Variants in NCKAP1 observed in about 807,000 individuals in gnomAD.
The protein encoded by NCKAP1 is nck-associated protein 1.
In NCKAP1, 21 loss-of-function variants were observed where a neutral mutation model predicts 151.2. The ratio of observed to expected loss-of-function variants is 0.14; its 90% CI spans 0.10 to 0.20. NCKAP1 has a LOEUF of 0.20. NCKAP1 is among the 10% of genes least tolerant of loss of function. The pLI, the probability that NCKAP1 is intolerant of heterozygous loss-of-function variation, is 1.00. For missense variants in NCKAP1, 933 were observed against 1,352.1 expected (o/e 0.69, Z 4.86); for synonymous variants, 484 against 451.8 (o/e 1.07, Z -0.90).
intron 2 of NCKAP1, chr2:183,022,732 G>A (rs1329977854): frequency 1.3e-5 from 2 of 152,152 alleles, no homozygotes; most frequent in Admixed American, 1.3e-4. Context: ...ATTTGTATTA[G>A]TTCTTACTAG....
At chr2:182,931,176 T>C (rs1023459943) in intron 26 of NCKAP1, among the ~76,000 whole-genome samples, 1 of 152,152 alleles carries the variant, frequency 6.6e-6, no homozygotes, top group Admixed American at 6.6e-5. Context: ...TGAAAAATTA[T>C]AGTGGTTCAA....
intron 6 of NCKAP1, among the ~76,000 whole-genome samples, chr2:182,997,574 C>A (rs558480634): frequency 1.3e-5 from 2 of 152,162 alleles, no homozygotes; most frequent in Non-Finnish European, 2.9e-5. Context: ...GTATTGACTT[C>A]TATTTTTACT....
chr2:182,941,247 T>C (rs1696988847), intron 24 of NCKAP1, among the ~76,000 whole-genome samples: 1 of 152,160 alleles, frequency 6.6e-6, no homozygotes, highest in Admixed American at 6.6e-5. Flanking sequence ...AAAATAACAT[T>C]AGATCAAGTA....
chr2:182,959,894 A>G (rs1016726988), intron 18 of NCKAP1, among the ~76,000 whole-genome samples: 5 of 152,228 alleles, frequency 3.3e-5, no homozygotes, highest in Non-Finnish European at 7.3e-5. Flanking sequence ...AAGTCTCAGG[A>G]TACAAAATCA....
Position 182,966,961 on chromosome 2 carries a change from A to C in NCKAP1, c.1628+255T>G, listed in dbSNP as rs114733267. Among the ~76,000 whole-genome samples, 2,440 of 152,204 alleles carry C rather than the reference A, an allele frequency of 0.016. 28 individuals carry two copies. The highest frequency in any genetic ancestry group is 0.023 in the Non-Finnish European group (1,556 of 68,008). Reference sequence around the variant, plus strand: ...AGGTAATTTGGAGTGACTGTTTTCAACTCCTCAAAAAAATGTAAGAAATAA... The same window carrying C: ...AGGTAATTTGGAGTGACTGTTTTCACCTCCTCAAAAAAATGTAAGAAATAA... On this transcript the variant is annotated intron_variant, in intron 16 of 30. Transcript: ENST00000361354.
Position 182,925,645 on chromosome 2 carries a change from C to A in NCKAP1, c.*57G>T. The A allele has an allele frequency of 1.0e-6, 1 of 963,702 alleles. No homozygotes were observed. Among genetic ancestry groups the A allele is most frequent in the Non-Finnish European group, 1.5e-6 (1 of 650,400 alleles). 59.7% of individuals were successfully genotyped at this position (963,702 alleles called of 1,614,324 possible). A position where few individuals can be genotyped will look rare whatever the true frequency, so the allele number is the denominator to read the frequency against. ...TCTTAAGGTAAAATAGTTCCACAGT[C>A]TACAGGTAAAACCAAGGCAACAAAA... On this transcript the variant is annotated 3_prime_UTR_variant, in exon 31 of 31. Coordinates refer to ENST00000361354, the MANE Select transcript of NCKAP1 (RefSeq NM_013436.5).
At chr2:182,927,070 A>G in intron 29 of NCKAP1, 165 bp from the exon 30 acceptor site, 1 of 510,958 alleles carries the variant, frequency 2.0e-6, no homozygotes, top group South Asian at 2.8e-5. Flanking sequence ...TTCAAGCAGT[A>G]ATTTAGAGAG....
Position 182,982,901 on chromosome 2 carries a change from G to A in NCKAP1, c.1128C>T (p.Ser376=). Reference sequence around the variant, plus strand: ...GCCAGATGATTTCATCACGGGCAAAGGATAATGCCATAAAAACAAAAAGTG... The same window carrying A: ...GCCAGATGATTTCATCACGGGCAAAAGATAATGCCATAAAAACAAAAAGTG... The part of the protein sequence containing the change: ...PKALFVFMAL[S]FARDEIIWLL... Residue 376 remains serine, a synonymous_variant, in exon 12 of 31, where the codon TCC becomes TCT. Transcript: ENST00000361354. 6.2e-7 allele frequency: 1 copy of A among 1,606,056 alleles called. No homozygotes were observed. The highest frequency in any genetic ancestry group is 8.5e-7 in the Non-Finnish European group (1 of 1,176,590).
intron 23 of NCKAP1, among the ~76,000 whole-genome samples, chr2:182,943,372 ATTAC>A (rs1697035958): frequency 6.6e-6 from 1 of 152,140 alleles, no homozygotes; most frequent in African/African-American, 2.4e-5. Flanking sequence ...GCTTGATGTT[ATTAC>A]TTCAGATTGT....
At chr2:182,943,572 C>G (rs1262408036) in intron 23 of NCKAP1, among the ~76,000 whole-genome samples, 2 of 151,898 alleles carry the variant, frequency 1.3e-5, no homozygotes, top group African/African-American at 4.8e-5. Flanking sequence ...GCACTTTAAA[C>G]ATCGTATCAC....
intron 8 of NCKAP1, among the ~76,000 whole-genome samples, chr2:182,992,129 T>A (rs2105865081): frequency 6.6e-6 from 1 of 152,314 alleles, no homozygotes; most frequent in South Asian, 2.1e-4. Flanking sequence ...TTGCTGATGT[T>A]GCTGGTCTAG....
intron 18 of NCKAP1, among the ~76,000 whole-genome samples, chr2:182,961,719 T>TA (rs1314198887): frequency 1.3e-5 from 2 of 151,424 alleles, no homozygotes; most frequent in South Asian, 2.1e-4. Flanking sequence ...CCCTAAAACT[T>TA]AAAGTATAAT....
chr2:182,945,412 GA>G (rs1230854275), intron 23 of NCKAP1, among the ~76,000 whole-genome samples: 5 of 148,230 alleles, frequency 3.4e-5, no homozygotes, highest in South Asian at 2.1e-4. Context: ...AAGAAAGAAA[GA>G]AAAAAAAACC....
intron 21 of NCKAP1, 52 bp downstream of exon 21, chr2:182,953,060 AG>A (rs1170679282): frequency 2.0e-6 from 3 of 1,521,280 alleles, no homozygotes; most frequent in Non-Finnish European, 2.7e-6. Flanking sequence ...AATTTTCCTA[AG>A]TACTTCATTA....
chr2:182,935,365 A>G lies in NCKAP1; in HGVS notation c.2706T>C (p.Ser902=). Residue 902 remains serine (S), a synonymous_variant, in exon 25 of 31, where the codon AGT becomes AGC. Coordinates refer to ENST00000361354, the MANE Select transcript of NCKAP1 (RefSeq NM_013436.5). ...ALFKRLSSVD[S]VLKRMTIIGV... is the part of the protein sequence containing the mutation. ...CAATTATTGTCATCCTCTTCAAGAC[A>G]CTGTCAACAGCTAAATTCAAAGAAA... 1 of 1,562,864 alleles carries G rather than the reference A, an allele frequency of 6.4e-7. No individual in the cohort carries two copies. Among genetic ancestry groups the G allele is most frequent in the Admixed American group, 2.0e-5 (1 of 50,390 alleles).
intron 2 of NCKAP1, among the ~76,000 whole-genome samples, chr2:183,019,996 A>C (rs1381824581): frequency 1.3e-5 from 2 of 152,130 alleles, no homozygotes; most frequent in African/African-American, 4.8e-5. Context: ...GTTGCATATC[A>C]AATAACTATG....
intron 10 of NCKAP1, among the ~76,000 whole-genome samples, chr2:182,983,803 T>C (rs1285305539): frequency 2.6e-5 from 4 of 152,088 alleles, no homozygotes; most frequent in Non-Finnish European, 5.9e-5. Context: ...GAGACCAACT[T>C]GGGCAGACTG....
intron 2 of NCKAP1, among the ~76,000 whole-genome samples, chr2:183,017,453 C>T (rs1221944566): frequency 2.0e-5 from 3 of 152,076 alleles, no homozygotes; most frequent in Non-Finnish European, 4.4e-5. Flanking sequence ...CTAGATCCCT[C>T]GTGTGCACAG....
In NCKAP1 at chr2:182,922,571, C is replaced by G. The variant is rs1421040948; in HGVS notation, c.*3131G>C. On this transcript the variant is annotated 3_prime_UTR_variant, in exon 31 of 31. Coordinates refer to ENST00000361354, the MANE Select transcript of NCKAP1 (RefSeq NM_013436.5). Reference sequence around the variant, plus strand: ...TCTTTGCCTTTATTATTCCTCCCCTCAGCCCACTTGTGGTTCCTTCTAATC... The same window carrying G: ...TCTTTGCCTTTATTATTCCTCCCCTGAGCCCACTTGTGGTTCCTTCTAATC... The G allele has an allele frequency of 6.6e-6, 1 of 152,302 alleles. No homozygotes were observed. The highest frequency in any genetic ancestry group is 2.4e-5 in the African/African-American group (1 of 41,448). 9.4% of individuals were successfully genotyped at this position (152,302 alleles called of 1,614,324 possible).
Sources: gnomAD v4.1 joint callset for allele counts (sites outside exome capture counted in the v4.1 genomes callset) on GRCh38, gnomAD v4.1.1 for gene constraint, MANE v1.5 for transcripts, NCBI Gene and HGNC (gene_info 2026-07-23, HGNC 2026-07-21) for gene names.